NR6A1: variants seen among roughly 807,000 people sequenced by gnomAD.
NR6A1 encodes the protein retinoic acid receptor-related testis-associated receptor.
A neutral mutation model predicts 59.1 loss-of-function variants in NR6A1; 7 were observed. That is an observed-to-expected ratio of 0.12 (90% CI 0.07 to 0.22). The LOEUF is 0.22. Ranked by LOEUF, NR6A1 falls within the 10% of genes least tolerant of loss-of-function variation. The probability of loss-of-function intolerance (pLI) is 1.00; values close to 1 mark genes in which losing one functional copy is unlikely to be tolerated. For synonymous variants in NR6A1, 243 were observed against 236.1 expected (o/e 1.03, Z -0.27); for missense variants, 468 against 611.6 (o/e 0.77, Z 2.48).
At chr9:124,545,974 G>A (rs1286162360) in intron 3 of NR6A1, among the ~76,000 whole-genome samples, 1 of 152,148 alleles carries the variant, frequency 6.6e-6, no homozygotes, top group African/African-American at 2.4e-5. Flanking sequence ...AATTAGCCGG[G>A]CGTGGTGGCA....
At chr9:124,587,403 G>A (rs1044193287) in intron 2 of NR6A1, among the ~76,000 whole-genome samples, 1 of 152,152 alleles carries the variant, frequency 6.6e-6, no homozygotes. Flanking sequence ...AACTCCAGAT[G>A]ACAAACTGGT....
chr9:124,650,551 A>G (rs1254686302), intron 2 of NR6A1, among the ~76,000 whole-genome samples: 1 of 152,226 alleles, frequency 6.6e-6, no homozygotes, highest in Admixed American at 6.5e-5. Flanking sequence ...TGTGGTTCAC[A>G]ACAATTTACC....
chr9:124,572,880 T>A (rs1834479426), intron 2 of NR6A1, among the ~76,000 whole-genome samples: 3 of 152,268 alleles, frequency 2.0e-5, no homozygotes, highest in South Asian at 4.1e-4. Context: ...TATGAAATAA[T>A]TGTTTTTCCA....
Position 124,671,008 on chromosome 9 carries a change from A to G in NR6A1, c.142+62300T>C, listed in dbSNP as rs192470122. Among the ~76,000 whole-genome samples the G allele has an allele frequency of 2.9e-3, 443 of 152,330 alleles. 12 individuals are homozygous for G. Among genetic ancestry groups the G allele is most frequent in the Admixed American group, 6.5e-4 (10 of 15,290 alleles). On this transcript the variant is annotated intron_variant, in intron 2 of 9. Transcript: ENST00000487099. Reference sequence around the variant, plus strand: ...TTTTGAGGACATTATGCTAAATGAAATCACAAAACGACACATACTGTATGA... The same window carrying G: ...TTTTGAGGACATTATGCTAAATGAAGTCACAAAACGACACATACTGTATGA...
chr9:124,590,694 A>G (rs1311202495), intron 2 of NR6A1, among the ~76,000 whole-genome samples: 1 of 152,140 alleles, frequency 6.6e-6, no homozygotes, highest in Non-Finnish European at 1.5e-5. Flanking sequence ...GAGGTTGACA[A>G]CTCCAAAGTT....
chr9:124,757,433 T>C (rs1206821551), intron 1 of NR6A1, among the ~76,000 whole-genome samples: 9 of 133,878 alleles, frequency 6.7e-5, no homozygotes, highest in South Asian at 2.4e-4. Flanking sequence ...GAAAACGTAA[T>C]AGTATATACT....
rs183561542 is a variant in NR6A1, at chr9:124,597,672, A to G, written c.143-43102T>C. On this transcript the variant is annotated intron_variant, in intron 2 of 9. Coordinates refer to ENST00000487099, the MANE Select transcript of NR6A1 (RefSeq NM_033334.4). ...ATAAGCCTGAGAACAAATCTTTAAC[A>G]TAGCTTAAGGAGACAATTAAGTTTC... Among the ~76,000 whole-genome samples, 6 of 152,276 alleles carry G rather than the reference A, an allele frequency of 3.9e-5. No homozygotes were observed. The East Asian group carries it at 1.2e-3, about 29-fold the overall frequency.
chr9:124,758,530 A>G (rs1840699677), intron 1 of NR6A1, among the ~76,000 whole-genome samples: 1 of 152,220 alleles, frequency 6.6e-6, no homozygotes. Flanking sequence ...CAAAAAAGAG[A>G]AAGTGTGGCA....
intron 2 of NR6A1, among the ~76,000 whole-genome samples, chr9:124,672,161 T>G (rs112515770): frequency 2.0e-5 from 3 of 152,348 alleles, no homozygotes; most frequent in African/African-American, 7.2e-5. Flanking sequence ...CTGTGCAGTA[T>G]TCCGTTATAT....
chr9:124,534,967 AC>A (rs1383777380), intron 7 of NR6A1, among the ~76,000 whole-genome samples: 1 of 152,128 alleles, frequency 6.6e-6, no homozygotes, highest in Non-Finnish European at 1.5e-5. Context: ...TACTAAATAT[AC>A]AAAAAATTAG....
intron 2 of NR6A1, among the ~76,000 whole-genome samples, chr9:124,663,925 A>G (rs1837524853): frequency 6.6e-6 from 1 of 152,228 alleles, no homozygotes; most frequent in Admixed American, 6.5e-5. Context: ...AAAAAAAAAG[A>G]ACCCTTTTCT....
At chr9:124,579,594 A>G (rs186813336) in intron 2 of NR6A1, among the ~76,000 whole-genome samples, 122 of 149,894 alleles carry the variant, frequency 8.1e-4, no homozygotes, top group African/African-American at 2.8e-3. Context: ...GGCTAAAATT[A>G]AAAAAAAAAT....
At chr9:124,525,453 C>CA (rs1832907181) in intron 8 of NR6A1, among the ~76,000 whole-genome samples, 1 of 152,108 alleles carries the variant, frequency 6.6e-6, no homozygotes, top group Admixed American at 6.6e-5. Flanking sequence ...GCAGCTGGCT[C>CA]AATAGATTCT....
chr9:124,759,288 C>G (rs1024818886), intron 1 of NR6A1, among the ~76,000 whole-genome samples: 1 of 152,198 alleles, frequency 6.6e-6, no homozygotes, highest in African/African-American at 2.4e-5. Context: ...CGAATACAGT[C>G]AAGCAAACAG....
intron 2 of NR6A1, among the ~76,000 whole-genome samples, chr9:124,720,601 A>G (rs1436844673): frequency 6.6e-6 from 1 of 152,190 alleles, no homozygotes; most frequent in Admixed American, 6.5e-5. Flanking sequence ...AGAGAGGCTT[A>G]TCTTTTCTTT....
intron 2 of NR6A1, among the ~76,000 whole-genome samples, chr9:124,581,161 G>C (rs1335925306): frequency 6.6e-6 from 1 of 152,028 alleles, no homozygotes; most frequent in Non-Finnish European, 1.5e-5. Flanking sequence ...AAAAACCCTA[G>C]AAGAAAACCT....
intron 2 of NR6A1, among the ~76,000 whole-genome samples, chr9:124,679,482 A>C (rs1838060512): frequency 6.6e-6 from 1 of 152,222 alleles, no homozygotes. Flanking sequence ...TTATCTTGTC[A>C]TAAAACCATC....
intron 2 of NR6A1, among the ~76,000 whole-genome samples, chr9:124,556,891 GA>G (rs1385455653): frequency 6.6e-6 from 1 of 151,008 alleles, no homozygotes; most frequent in East Asian, 1.9e-4. Context: ...CGCAAACAGG[GA>G]AACAGGCAAT....
chr9:124,543,946 T>C (rs1833520274), intron 3 of NR6A1, 89 bp from the exon 4 acceptor site: 2 of 1,037,966 alleles, frequency 1.9e-6, no homozygotes, highest in South Asian at 2.7e-5. Context: ...GCCAAAAGCA[T>C]AAGACAGTAA....
Sources: gnomAD v4.1 joint callset for allele counts (sites outside exome capture counted in the v4.1 genomes callset) on GRCh38, gnomAD v4.1.1 for gene constraint, MANE v1.5 for transcripts, NCBI Gene and HGNC (gene_info 2026-07-23, HGNC 2026-07-21) for gene names.